LSAMP: variants seen among roughly 807,000 people sequenced by gnomAD.
LSAMP encodes limbic system-associated membrane protein.
A neutral mutation model predicts 38.6 loss-of-function variants in LSAMP; 7 were observed. The ratio of observed to expected loss-of-function variants is 0.18; its 90% CI spans 0.10 to 0.34. The LOEUF is 0.34. Ranked by LOEUF, LSAMP falls within the 10% of genes least tolerant of loss-of-function variation. LSAMP has a pLI of 1.00. For synonymous variants in LSAMP, 154 were observed against 166.8 expected (o/e 0.92, Z 0.59); for missense variants, 313 against 420.0 (o/e 0.75, Z 2.23).
At chr3:116,084,264 G>T (rs922021325) in intron 2 of LSAMP, among the ~76,000 whole-genome samples, 1 of 151,950 alleles carries the variant, frequency 6.6e-6, no homozygotes, top group Non-Finnish European at 1.5e-5. Flanking sequence ...GCACTGCCAT[G>T]TCAGGAAGGT....
At chr3:116,335,258 G>C (rs1329962887) in intron 1 of LSAMP, among the ~76,000 whole-genome samples, 1 of 151,996 alleles carries the variant, frequency 6.6e-6, no homozygotes. Context: ...TGGATTGAAA[G>C]ATTTAATATC....
chr3:116,386,576 A>T (rs2048629028), intron 1 of LSAMP, among the ~76,000 whole-genome samples: 1 of 152,160 alleles, frequency 6.6e-6, no homozygotes, highest in African/African-American at 2.4e-5. Context: ...AGGCTCAAGC[A>T]GTCCTCATAC....
At chr3:116,431,362 C>T (rs2049279284) in intron 1 of LSAMP, among the ~76,000 whole-genome samples, 1 of 152,112 alleles carries the variant, frequency 6.6e-6, no homozygotes, top group South Asian at 2.1e-4. Context: ...ATTTGCCACG[C>T]TATACTTTGT....
intron 1 of LSAMP, among the ~76,000 whole-genome samples, chr3:116,359,715 T>C (rs1251821407): frequency 6.6e-6 from 1 of 152,246 alleles, no homozygotes; most frequent in East Asian, 1.9e-4. Context: ...AACTAAGCAA[T>C]GGAGAAAGGA....
chr3:115,802,928 C>G lies in LSAMP; in HGVS notation c.*7389G>C, dbSNP rs1170348317. Reference sequence around the variant, plus strand: ...CCAAGTAAATACTTAGGGAGCAGAACTTGGCCACAGTTCACCAGGATGAAC... The same window carrying G: ...CCAAGTAAATACTTAGGGAGCAGAAGTTGGCCACAGTTCACCAGGATGAAC... On this transcript the variant is annotated 3_prime_UTR_variant, in exon 7 of 7. Transcript: ENST00000490035. 6.6e-6 allele frequency: 1 copy of G among 152,074 alleles called. No individual in the cohort carries two copies. Among genetic ancestry groups the G allele is most frequent in the African/African-American group, 2.4e-5 (1 of 41,386 alleles). 9.4% of individuals were successfully genotyped at this position (152,074 alleles called of 1,614,324 possible). A position where few individuals can be genotyped will look rare whatever the true frequency, so the allele number is the denominator to read the frequency against.
At chr3:116,037,880 T>C (rs1017972476) in intron 2 of LSAMP, among the ~76,000 whole-genome samples, 1 of 152,126 alleles carries the variant, frequency 6.6e-6, no homozygotes, top group Non-Finnish European at 1.5e-5. Context: ...ATAAGCTTAT[T>C]CTGTTTAGAT....
At chr3:116,208,846 T>G (rs2046108869) in intron 1 of LSAMP, among the ~76,000 whole-genome samples, 1 of 152,198 alleles carries the variant, frequency 6.6e-6, no homozygotes, top group Non-Finnish European at 1.5e-5. Context: ...TTTACTGCTG[T>G]CTTTTTGTTT....
chr3:116,303,931 G>T (rs575397359), intron 1 of LSAMP, among the ~76,000 whole-genome samples: 84 of 152,142 alleles, frequency 5.5e-4, no homozygotes, highest in Non-Finnish European at 8.2e-4. Flanking sequence ...TAAATAACGT[G>T]GCTGGTGTAA....
chr3:116,244,703 T>G (rs1003700329), intron 1 of LSAMP, among the ~76,000 whole-genome samples: 4 of 152,170 alleles, frequency 2.6e-5, no homozygotes, highest in African/African-American at 9.7e-5. Context: ...CCCTCCTTAT[T>G]AGAAAACAAA....
intron 1 of LSAMP, among the ~76,000 whole-genome samples, chr3:116,441,319 A>G (rs769312754): frequency 5.9e-5 from 9 of 152,246 alleles, no homozygotes; most frequent in Non-Finnish European, 2.9e-5. Flanking sequence ...CCTGTATTTT[A>G]TCACATGCCT....
At chr3:116,182,032 A>T (rs1710496779) in intron 1 of LSAMP, among the ~76,000 whole-genome samples, 1 of 151,972 alleles carries the variant, frequency 6.6e-6, no homozygotes, top group Non-Finnish European at 1.5e-5. Context: ...AAATGCATAG[A>T]ACATGTTGTG....
chr3:116,075,761 G>C (rs1388712741), intron 2 of LSAMP, among the ~76,000 whole-genome samples: 1 of 151,624 alleles, frequency 6.6e-6, no homozygotes, highest in Non-Finnish European at 1.5e-5. Flanking sequence ...GGCTGGTCTC[G>C]AACTCCTGAC....
intron 1 of LSAMP, among the ~76,000 whole-genome samples, chr3:116,398,413 A>G (rs2048797051): frequency 1.3e-5 from 2 of 152,328 alleles, no homozygotes; most frequent in Non-Finnish European, 2.9e-5. Flanking sequence ...ATAGGAGAGT[A>G]TCTGGCTCCG....
chr3:116,025,559 T>C (rs1940770493), intron 2 of LSAMP, among the ~76,000 whole-genome samples: 1 of 152,172 alleles, frequency 6.6e-6, no homozygotes, highest in African/African-American at 2.4e-5. Flanking sequence ...TTTCTTCTTT[T>C]TATTTTAATT....
chr3:115,931,122 C>G (rs1937574224), intron 3 of LSAMP, among the ~76,000 whole-genome samples: 1 of 152,080 alleles, frequency 6.6e-6, no homozygotes, highest in South Asian at 2.1e-4. Context: ...TTGGCAGCAC[C>G]CCACTTCCTC....
intron 2 of LSAMP, among the ~76,000 whole-genome samples, chr3:116,058,722 G>A (rs1056782395): frequency 5.9e-5 from 9 of 152,238 alleles, no homozygotes; most frequent in Admixed American, 5.9e-4. Context: ...GGGTGTTCAA[G>A]TTCATATTTT....
chr3:116,109,239 G>A (rs936538919), intron 1 of LSAMP, among the ~76,000 whole-genome samples: 2 of 152,174 alleles, frequency 1.3e-5, no homozygotes, highest in South Asian at 2.1e-4. Context: ...CTGGGCAGGT[G>A]GGGGAGGGCT....
chr3:116,315,215 A>C (rs141111504), intron 1 of LSAMP, among the ~76,000 whole-genome samples: 173 of 152,232 alleles, frequency 1.1e-3, no homozygotes, highest in African/African-American at 3.9e-3. Flanking sequence ...TCTACCTACC[A>C]AGTCTCCAAG....
At chr3:116,179,043 T>G (rs74574565) in intron 1 of LSAMP, among the ~76,000 whole-genome samples, 1 of 143,496 alleles carries the variant, frequency 7.0e-6, no homozygotes, top group African/African-American at 2.5e-5. Context: ...AAAAAAAAAA[T>G]GCCTCTTAAC....
Sources: allele counts gnomAD v4.1 joint callset (sites outside exome capture counted in the v4.1 genomes callset), GRCh38; gene constraint gnomAD v4.1.1; transcripts MANE v1.5; gene names NCBI Gene and HGNC (gene_info 2026-07-23, HGNC 2026-07-21).